The following ST7 variants were observed in gnomAD, a reference collection of about 807,000 sequenced individuals.
The protein encoded by ST7 is suppression of tumorigenicity 7.
In ST7, 28 loss-of-function variants were observed where a neutral mutation model predicts 78.7. The ratio of observed to expected loss-of-function variants is 0.36; its 90% confidence interval spans 0.26 to 0.49. The LOEUF (loss-of-function observed/expected upper bound fraction) is 0.49, where lower values mean the gene tolerates loss of function less well. ST7 is among the 20% of genes least tolerant of loss of function. The pLI, the probability that ST7 is intolerant of heterozygous loss-of-function variation, is 0.99. For synonymous variants in ST7, 247 were observed against 249.6 expected (o/e 0.99, Z 0.10); for missense variants, 418 against 696.0 (o/e 0.60, Z 4.49).
At chr7:116,994,717 G>T (rs1794574407) in intron 1 of ST7, among the ~76,000 whole-genome samples, 1 of 152,166 alleles carries the variant, frequency 6.6e-6, no homozygotes, top group African/African-American at 2.4e-5. Context: ...GGAATACTTC[G>T]ACATTGGAGG....
At chr7:116,959,253 A>G (rs908569227) in intron 1 of ST7, 2 of 471,060 alleles carry the variant, frequency 4.2e-6, no homozygotes, top group Admixed American at 4.7e-5. Context: ...TTTACAAGGA[A>G]TTACAACAAT....
chr7:117,113,662 G>A (rs1485489657), intron 2 of ST7, among the ~76,000 whole-genome samples: 1 of 152,130 alleles, frequency 6.6e-6, no homozygotes, highest in Non-Finnish European at 1.5e-5. Context: ...TATATGAAAT[G>A]CCAGGGTAAA....
intron 15 of ST7, chr7:117,223,795 G>A (rs1365943052): frequency 5.1e-6 from 1 of 194,740 alleles, no homozygotes; most frequent in Non-Finnish European, 9.3e-6. Flanking sequence ...GTCCCATTTA[G>A]AATGTGAGCT....
At chr7:117,115,211 C>T (rs1163042188) in intron 2 of ST7, among the ~76,000 whole-genome samples, 2 of 152,130 alleles carry the variant, frequency 1.3e-5, no homozygotes, top group African/African-American at 4.8e-5. Context: ...TCAGTGTCAC[C>T]CAGTTTTTAT....
intron 10 of ST7, among the ~76,000 whole-genome samples, chr7:117,177,490 A>C (rs1808429542): frequency 6.6e-6 from 1 of 152,206 alleles, no homozygotes; most frequent in Non-Finnish European, 1.5e-5. Context: ...GTTTGGCTTC[A>C]GGGCACCAGC....
At chr7:116,991,288 A>C (rs945217646) in intron 1 of ST7, among the ~76,000 whole-genome samples, 2 of 152,174 alleles carry the variant, frequency 1.3e-5, no homozygotes, top group Non-Finnish European at 2.9e-5. Context: ...GTGGGGAGGC[A>C]GAAATGTTAT....
chr7:117,223,903 A>T, intron 15 of ST7: 3 of 961,002 alleles, frequency 3.1e-6, no homozygotes, highest in Non-Finnish European at 3.7e-6. Flanking sequence ...TTATTAAATA[A>T]ATAATAAATG....
rs149775526 is a variant in ST7, at chr7:117,044,940, C to G, written c.152-54822C>G. ...AAACTGATTTCTAATGCCTCTCCCC[C>G]CTACTACTCACCCAGTCATCACCTT... On this transcript the variant is annotated intron_variant, in intron 1 of 15. Coordinates refer to ENST00000323984, the MANE Select transcript of ST7 (RefSeq NM_001369598.1). 7.9e-5 allele frequency among the ~76,000 whole-genome samples: 12 copies of G among 152,276 alleles called. No homozygotes were observed. In the South Asian group the frequency reaches 8.3e-4, roughly 11 times the overall value.
At chr7:117,120,674 A>G (rs1307800688) in intron 3 of ST7, among the ~76,000 whole-genome samples, 1 of 152,206 alleles carries the variant, frequency 6.6e-6, no homozygotes, top group East Asian at 1.9e-4. Context: ...GCCTTCTCTG[A>G]TAGTCTGTAC....
chr7:117,065,734 C>A (rs1432142706), intron 1 of ST7, among the ~76,000 whole-genome samples: 7 of 152,220 alleles, frequency 4.6e-5, no homozygotes, highest in African/African-American at 1.7e-4. Flanking sequence ...ATGCTCCTCA[C>A]CTCTCAGCAG....
At position 117,100,587 on chromosome 7, in the gene ST7, GT is replaced by G. The variant is rs905350086; in HGVS notation, c.234+751del. Among the ~76,000 whole-genome samples, 20 of 151,800 alleles carry G rather than the reference GT, an allele frequency of 1.3e-4. No individual in the cohort carries two copies. In the South Asian group the frequency reaches 1.7e-3, roughly 13 times the overall value. ...TTGACATGGATTGTGACAATTCTAAGTTTTTTTTCCCTTCATCTTCTTTTCT... is the reference window on the plus strand; with the variant it reads ...TTGACATGGATTGTGACAATTCTAAGTTTTTTTCCCTTCATCTTCTTTTCT... On this transcript the variant is annotated intron_variant, in intron 2 of 15. Coordinates refer to ENST00000323984, the MANE Select transcript of ST7 (RefSeq NM_001369598.1).
chr7:117,149,912 C>T (rs1469519782), intron 9 of ST7, among the ~76,000 whole-genome samples: 1 of 152,088 alleles, frequency 6.6e-6, no homozygotes, highest in Non-Finnish European at 1.5e-5. Context: ...TCACACACTG[C>T]CCTCAAATGT....
chr7:117,217,109 G>A (rs974639622), intron 13 of ST7, among the ~76,000 whole-genome samples: 1 of 152,052 alleles, frequency 6.6e-6, no homozygotes, highest in African/African-American at 2.4e-5. Context: ...TTGCACTCCT[G>A]TATTTCATTT....
intron 1 of ST7, among the ~76,000 whole-genome samples, chr7:116,958,315 T>G (rs754466350): frequency 3.3e-5 from 5 of 151,990 alleles, no homozygotes; most frequent in Non-Finnish European, 7.4e-5. Flanking sequence ...AGACTTTTTT[T>G]TGTGTTAATT....
At chr7:116,965,498 A>G (rs995002420) in intron 1 of ST7, among the ~76,000 whole-genome samples, 8 of 152,190 alleles carry the variant, frequency 5.3e-5, no homozygotes, top group Non-Finnish European at 8.8e-5. Flanking sequence ...GGGTGCAGCA[A>G]ACCACCACGA....
chr7:117,115,105 A>G (rs562945883), intron 2 of ST7, among the ~76,000 whole-genome samples: 2 of 152,226 alleles, frequency 1.3e-5, no homozygotes, highest in South Asian at 2.1e-4. Flanking sequence ...CTTGTAAGAT[A>G]TAGGTCCAAA....
chr7:116,993,506 G>A (rs1794518186), intron 1 of ST7, among the ~76,000 whole-genome samples: 1 of 152,152 alleles, frequency 6.6e-6, no homozygotes, highest in Non-Finnish European at 1.5e-5. Flanking sequence ...CACAACACGT[G>A]GGGATTATGG....
At chr7:117,218,972 C>G in intron 13 of ST7, 112 bp from the exon 14 acceptor site, 2 of 774,796 alleles carry the variant, frequency 2.6e-6, no homozygotes, top group South Asian at 3.4e-5. Flanking sequence ...TAAGCCTTGC[C>G]TCCTTTGTAG....
At chr7:117,166,859 A>C (rs1260093642) in intron 9 of ST7, among the ~76,000 whole-genome samples, 1 of 151,716 alleles carries the variant, frequency 6.6e-6, no homozygotes. Context: ...ACTGCGCTCC[A>C]GACTGGGTGA....
Sources: allele counts gnomAD v4.1 joint callset (sites outside exome capture counted in the v4.1 genomes callset), GRCh38; gene constraint gnomAD v4.1.1; transcripts MANE v1.5; gene names NCBI Gene and HGNC (gene_info 2026-07-23, HGNC 2026-07-21).